The following GNAQ variants were observed in gnomAD, a reference collection of about 807,000 sequenced individuals.
GNAQ encodes G protein subunit alpha q.
Under a neutral mutation model 43.9 loss-of-function variants are expected in GNAQ, and 8 were observed. The ratio of observed to expected loss-of-function variants is 0.18; its 90% CI spans 0.11 to 0.33. The LOEUF (loss-of-function observed/expected upper bound fraction) is 0.33, where lower values mean the gene tolerates loss of function less well. GNAQ is among the 10% of genes least tolerant of loss of function. The probability of loss-of-function intolerance (pLI) is 1.00; values close to 1 mark genes in which losing one functional copy is unlikely to be tolerated. For missense variants in GNAQ, 158 were observed against 450.8 expected (o/e 0.35, Z 5.88); for synonymous variants, 155 against 170.7 (o/e 0.91, Z 0.71).
chr9:77,737,710 A>G (rs1825595365), intron 5 of GNAQ, among the ~76,000 whole-genome samples: 1 of 152,184 alleles, frequency 6.6e-6, no homozygotes, highest in South Asian at 2.1e-4. Context: ...AGAGCCAAGG[A>G]GACAACTAGA....
At chr9:77,851,030 GA>G (rs1276266086) in intron 2 of GNAQ, among the ~76,000 whole-genome samples, 1 of 151,498 alleles carries the variant, frequency 6.6e-6, no homozygotes, top group East Asian at 2.0e-4. Context: ...ATGTTTACTG[GA>G]AAAAAAAGAT....
At position 77,922,354 on chromosome 9, in the gene GNAQ, T is replaced by C. The variant is rs2118276864; in HGVS notation, c.137-9A>G. On this transcript the variant is annotated splice_polypyrimidine_tract_variant and intron_variant, in intron 1 of 6. Transcript: ENST00000286548. ...GCCACTCTCTCCTGTCCCTGAAAGATGAACAATAGCAGCTCATCAGACCAC... is the reference window on the plus strand; with the variant it reads ...GCCACTCTCTCCTGTCCCTGAAAGACGAACAATAGCAGCTCATCAGACCAC... The C allele has an allele frequency of 1.2e-6, 2 of 1,605,168 alleles. No individual in the cohort carries two copies.
chr9:77,816,993 G>A (rs138603034), intron 2 of GNAQ, among the ~76,000 whole-genome samples: 7 of 152,156 alleles, frequency 4.6e-5, no homozygotes, highest in South Asian at 2.1e-4. Context: ...TGTGACAATC[G>A]GATCTAGTAA....
rs563650182 is a variant in GNAQ, at chr9:77,993,202, C to T, written c.136+37898G>A. On this transcript the variant is annotated intron_variant, in intron 1 of 6. Transcript: ENST00000286548. ...TCTAAACCACAACATTTATGGTATG[C>T]CTTCTCTCTAATGGAGAAATATGCT... Among the ~76,000 whole-genome samples, 7 of 152,208 alleles carry T rather than the reference C, an allele frequency of 4.6e-5. No homozygotes were observed. The South Asian group carries it at 1.5e-3, about 32-fold the overall frequency.
intron 5 of GNAQ, among the ~76,000 whole-genome samples, chr9:77,730,935 T>A (rs1185958515): frequency 6.6e-6 from 1 of 152,152 alleles, no homozygotes; most frequent in Non-Finnish European, 1.5e-5. Context: ...GTGACATCCC[T>A]GATGGGAGAG....
intron 1 of GNAQ, among the ~76,000 whole-genome samples, chr9:78,013,325 T>A (rs1057506228): frequency 1.5e-4 from 22 of 148,598 alleles, no homozygotes; most frequent in Admixed American, 1.1e-3. Context: ...TTTTTTTTTT[T>A]ATTATACTTT....
At chr9:77,773,187 CT>C (rs1200990278) in intron 5 of GNAQ, among the ~76,000 whole-genome samples, 1 of 151,866 alleles carries the variant, frequency 6.6e-6, no homozygotes, top group Non-Finnish European at 1.5e-5. Flanking sequence ...ACAAATAATA[CT>C]TTTCCCCATA....
chr9:77,735,573 C>A (rs1022393422), intron 5 of GNAQ, among the ~76,000 whole-genome samples: 2 of 152,192 alleles, frequency 1.3e-5, no homozygotes, highest in Admixed American at 6.5e-5. Context: ...GAAAAGCTTG[C>A]TGTGTCTGAC....
intron 3 of GNAQ, among the ~76,000 whole-genome samples, chr9:77,808,899 A>C (rs1196087288): frequency 6.6e-6 from 1 of 152,100 alleles, no homozygotes; most frequent in Admixed American, 6.5e-5. Flanking sequence ...CAAAACAAAA[A>C]AAACTATCAG....
At chr9:77,810,170 CCTAT>C (rs1020950818) in intron 3 of GNAQ, among the ~76,000 whole-genome samples, 95 of 152,184 alleles carry the variant, frequency 6.2e-4, no homozygotes, top group African/African-American at 2.0e-3. Flanking sequence ...CATCTATCTA[CCTAT>C]CTATCCATCT....
At chr9:77,964,680 A>T (rs946016097) in intron 1 of GNAQ, among the ~76,000 whole-genome samples, 4 of 151,990 alleles carry the variant, frequency 2.6e-5, no homozygotes, top group Non-Finnish European at 4.4e-5. Flanking sequence ...AAAAACAACA[A>T]GAAAAACCAC....
intron 3 of GNAQ, among the ~76,000 whole-genome samples, chr9:77,808,865 T>TAAAAA (rs531696724): frequency 2.7e-5 from 4 of 150,336 alleles, no homozygotes; most frequent in African/African-American, 7.4e-5. Flanking sequence ...GGCTTAAACT[T>TAAAAA]AAAAAAAACA....
At chr9:77,828,058 T>TCA (rs1827231257) in intron 2 of GNAQ, among the ~76,000 whole-genome samples, 1 of 2,748 alleles carries the variant, frequency 3.6e-4, no homozygotes, top group Non-Finnish European at 7.7e-4. Context: ...AGACTCCTCC[T>TCA]CAAAAAAAAA....
At chr9:77,926,592 AG>A (rs1271260715) in intron 1 of GNAQ, among the ~76,000 whole-genome samples, 1 of 152,170 alleles carries the variant, frequency 6.6e-6, no homozygotes, top group East Asian at 1.9e-4. Flanking sequence ...TAAAATATCT[AG>A]GGGAGGGATA....
At chr9:77,748,733 T>A (rs763850694) in intron 5 of GNAQ, among the ~76,000 whole-genome samples, 8 of 152,170 alleles carry the variant, frequency 5.3e-5, no homozygotes, top group Non-Finnish European at 1.0e-4. Context: ...AGATAGAATA[T>A]GAAAATAGGT....
chr9:77,877,501 A>G (rs1564138357), intron 2 of GNAQ, among the ~76,000 whole-genome samples: 1 of 152,182 alleles, frequency 6.6e-6, no homozygotes, highest in Non-Finnish European at 1.5e-5. Context: ...ACATTTATTG[A>G]GACTCCTGTA....
rs1346986055 is a variant in GNAQ at position 77,914,147 on chromosome 9, G to A, written c.321+8014C>T. On this transcript the variant is annotated intron_variant, in intron 2 of 6. Transcript: ENST00000286548. Reference sequence around the variant, plus strand: ...GAATAAAGAACTGCAAAGATAAAGGGAGGAGAAGAAAATGTGGCTAGGAAG... The same window carrying A: ...GAATAAAGAACTGCAAAGATAAAGGAAGGAGAAGAAAATGTGGCTAGGAAG... 3.3e-5 allele frequency among the ~76,000 whole-genome samples: 5 copies of A among 152,192 alleles called. No homozygotes were observed. The East Asian group carries it at 9.6e-4, about 29-fold the overall frequency.
intron 2 of GNAQ, among the ~76,000 whole-genome samples, chr9:77,857,108 A>G (rs1827767550): frequency 6.6e-6 from 1 of 152,228 alleles, no homozygotes; most frequent in Non-Finnish European, 1.5e-5. Context: ...TCAGCAAGAC[A>G]TGCTAGGCAA....
At chr9:77,891,561 T>C (rs567394849) in intron 2 of GNAQ, among the ~76,000 whole-genome samples, 2 of 152,342 alleles carry the variant, frequency 1.3e-5, no homozygotes, top group East Asian at 1.9e-4. Flanking sequence ...GAATGTATTA[T>C]ACGATTGTCA....
Sources: gnomAD v4.1 joint callset for allele counts (sites outside exome capture counted in the v4.1 genomes callset) on GRCh38, gnomAD v4.1.1 for gene constraint, MANE v1.5 for transcripts, NCBI Gene and HGNC (gene_info 2026-07-23, HGNC 2026-07-21) for gene names.